CCDC85A: variants seen among roughly 807,000 people sequenced by gnomAD.
CCDC85A encodes coiled-coil domain-containing protein 85A.
CCDC85A carries 38 observed loss-of-function variants against 50.2 expected under a neutral mutation model. The ratio of observed to expected loss-of-function variants is 0.76; its 90% CI spans 0.58 to 0.99. The LOEUF (loss-of-function observed/expected upper bound fraction) is 0.99. CCDC85A is among the 50% of genes least tolerant of loss of function. CCDC85A has a pLI of 0.00. For missense variants in CCDC85A, 820 were observed against 742.0 expected, an observed-to-expected ratio of 1.11 and a Z score of -1.22; for synonymous variants, 366 against 301.4, an observed-to-expected ratio of 1.21 and a Z score of -2.22.
intron 2 of CCDC85A, among the ~76,000 whole-genome samples, chr2:56,320,617 A>G (rs967691618): frequency 6.6e-6 from 1 of 152,188 alleles, no homozygotes; most frequent in African/African-American, 2.4e-5. Flanking sequence ...GAAGAGACCA[A>G]TAACAGGCTC....
At chr2:56,267,770 A>C (rs6727111) in intron 2 of CCDC85A, among the ~76,000 whole-genome samples, 47,297 of 151,808 alleles carry the variant, frequency 0.31, 7,394 homozygotes, top group South Asian at 0.37. Flanking sequence ...TGAACTTCTG[A>C]ATAGAATTAC....
At chr2:56,273,858 A>G (rs1054040719) in intron 2 of CCDC85A, among the ~76,000 whole-genome samples, 6 of 152,138 alleles carry the variant, frequency 3.9e-5, no homozygotes, top group African/African-American at 1.4e-4. Flanking sequence ...CATTATGAAG[A>G]AAAATCGTTT....
At chr2:56,263,480 T>C (rs531468601) in intron 2 of CCDC85A, among the ~76,000 whole-genome samples, 14 of 152,322 alleles carry the variant, frequency 9.2e-5, no homozygotes, top group Non-Finnish European at 1.8e-4. Flanking sequence ...CTTCTCTGCC[T>C]GTCTGCTCAG....
intron 2 of CCDC85A, among the ~76,000 whole-genome samples, chr2:56,272,318 G>C (rs1249933347): frequency 6.6e-6 from 1 of 151,930 alleles, no homozygotes; most frequent in Non-Finnish European, 1.5e-5. Flanking sequence ...CCCACAGAGG[G>C]GGATATAAGC....
At chr2:56,201,920 A>G (rs1476251063) in intron 2 of CCDC85A, among the ~76,000 whole-genome samples, 2 of 152,138 alleles carry the variant, frequency 1.3e-5, no homozygotes, top group East Asian at 1.9e-4. Flanking sequence ...TTGACTTCCA[A>G]AGAAGGTTAG....
chr2:56,384,518 C>G lies in CCDC85A; in HGVS notation c.*163C>G. The G allele has an allele frequency of 1.7e-6, 1 of 580,294 alleles. No homozygotes were observed. 35.9% of individuals were successfully genotyped at this position (580,294 alleles called of 1,614,324 possible). A position where few individuals can be genotyped will look rare whatever the true frequency, so the allele number is the denominator to read the frequency against. On this transcript the variant is annotated 3_prime_UTR_variant, in exon 6 of 6. Transcript: ENST00000407595. The stretch of plus-strand genomic sequence containing the variant: ...TCTAAAACCTGTAGTACAACTTCTC[C>G]CCTCAAGCTGATATTCTGTGTCTCT...
chr2:56,341,116 G>T (rs975166757), intron 2 of CCDC85A, among the ~76,000 whole-genome samples: 8 of 152,106 alleles, frequency 5.3e-5, no homozygotes, highest in African/African-American at 1.9e-4. Context: ...GGGAGCATGT[G>T]CAGTGTGTTT....
At chr2:56,352,159 G>A (rs56044104) in intron 3 of CCDC85A, among the ~76,000 whole-genome samples, 38 of 152,034 alleles carry the variant, frequency 2.5e-4, no homozygotes, top group Admixed American at 1.4e-3. Context: ...TAAATATAAC[G>A]CATTAGTAAT....
chr2:56,187,966 C>T (rs978082701), intron 1 of CCDC85A, among the ~76,000 whole-genome samples: 6 of 152,272 alleles, frequency 3.9e-5, no homozygotes, highest in South Asian at 4.2e-4. Flanking sequence ...ACCACCGACC[C>T]GCCCACCACC....
chr2:56,293,404 G>T (rs1409413698), intron 2 of CCDC85A, among the ~76,000 whole-genome samples: 1 of 152,162 alleles, frequency 6.6e-6, no homozygotes, highest in African/African-American at 2.4e-5. Flanking sequence ...GTACCATTCA[G>T]GACATAGGCA....
rs752930141 is a variant in CCDC85A, at chr2:56,193,235, G to C, written c.1035G>C (p.Gly345=). The C allele has an allele frequency of 2.5e-6, 4 of 1,612,596 alleles. No homozygotes were observed. In the East Asian group the frequency reaches 6.7e-5, roughly 27 times the overall value. Residue 345 remains glycine (G), a synonymous_variant, in exon 2 of 6, where the codon GGG becomes GGC. Transcript: ENST00000407595. ...SPEHLQKHAL[G]GSLEHLPRAR... ...AGCATCTTCAGAAACACGCTCTTGG[G>C]GGGAGCCTAGAGCATCTCCCCAGAG...
chr2:56,208,226 T>G (rs1677031933), intron 2 of CCDC85A, among the ~76,000 whole-genome samples: 1 of 152,148 alleles, frequency 6.6e-6, no homozygotes, highest in South Asian at 2.1e-4. Context: ...GAATATGTTA[T>G]ATTGTTTCTT....
chr2:56,184,894 C>T lies in CCDC85A; in HGVS notation c.270C>T (p.Gly90=). Reference sequence around the variant, plus strand: ...AGCTGCACCTCGGCGAGATCCGCGGCCTCAAGGTGAGCGCGGGCCAGGTGG... The same window carrying T: ...AGCTGCACCTCGGCGAGATCCGCGGTCTCAAGGTGAGCGCGGGCCAGGTGG... ...RLQLHLGEIR[G]LKDINQKLQE... Residue 90 remains glycine, a synonymous_variant, in exon 1 of 6, where the codon GGC becomes GGT. Coordinates refer to ENST00000407595, the MANE Select transcript of CCDC85A (RefSeq NM_001080433.2). The T allele has an allele frequency of 2.6e-6, 4 of 1,514,354 alleles. No individual in the cohort carries two copies. The highest frequency in any genetic ancestry group is 3.5e-6 in the Non-Finnish European group (4 of 1,134,862). The allele number at this position is 1,514,354 out of a possible 1,614,324, so 93.8% of individuals were successfully genotyped here.
intron 1 of CCDC85A, among the ~76,000 whole-genome samples, chr2:56,190,766 C>G (rs1353141446): frequency 2.0e-5 from 3 of 152,180 alleles, no homozygotes; most frequent in Non-Finnish European, 2.9e-5. Context: ...CTCCCTCTAC[C>G]TGGACCAGCC....
intron 2 of CCDC85A, among the ~76,000 whole-genome samples, chr2:56,326,481 G>A (rs1191401240): frequency 6.6e-6 from 1 of 152,000 alleles, no homozygotes; most frequent in African/African-American, 2.4e-5. Context: ...AAACTAGAAG[G>A]GCCCAAATGA....
At chr2:56,383,565 A>AT in intron 5 of CCDC85A, 1 of 984,318 alleles carries the variant, frequency 1.0e-6, no homozygotes, top group Non-Finnish European at 1.2e-6. Context: ...TCTTTCAGTG[A>AT]TTCTTGAATT....
At position 56,186,234 on chromosome 2, in the gene CCDC85A, G is replaced by A. The variant is rs117441349; in HGVS notation, c.276+1334G>A. ...TGTGGTTGAATTCATTACTAACAGA[G>A]TGTTTATTAAGTGCCAGTCTCTTTG... On this transcript the variant is annotated intron_variant, in intron 1 of 5. Coordinates refer to ENST00000407595, the MANE Select transcript of CCDC85A (RefSeq NM_001080433.2). 1.2e-4 allele frequency among the ~76,000 whole-genome samples: 19 copies of A among 152,286 alleles called. No individual in the cohort carries two copies. In the East Asian group the frequency reaches 3.7e-3, roughly 29 times the overall value.
intron 2 of CCDC85A, among the ~76,000 whole-genome samples, chr2:56,250,585 A>G (rs1037801541): frequency 3.3e-5 from 5 of 152,324 alleles, no homozygotes; most frequent in Middle Eastern, 6.8e-3. Flanking sequence ...AGACAAGGGC[A>G]GGACATTTTG....
intron 2 of CCDC85A, among the ~76,000 whole-genome samples, chr2:56,322,770 A>T (rs925167351): frequency 2.0e-5 from 3 of 152,082 alleles, no homozygotes; most frequent in Admixed American, 6.6e-5. Context: ...GAAATACCAT[A>T]TGACCCAGCC....
Sources: gnomAD v4.1 joint callset for allele counts (sites outside exome capture counted in the v4.1 genomes callset) on GRCh38, gnomAD v4.1.1 for gene constraint, MANE v1.5 for transcripts, NCBI Gene and HGNC (gene_info 2026-07-23, HGNC 2026-07-21) for gene names.